Variants in CTNNA2 observed in about 807,000 individuals in gnomAD.
CTNNA2 encodes the protein catenin alpha-2.
CTNNA2 carries 42 observed loss-of-function variants against 101.0 expected under a neutral mutation model. That is an observed-to-expected ratio of 0.42 (90% CI 0.32 to 0.54). CTNNA2 has a LOEUF of 0.54. CTNNA2 is among the 20% of genes least tolerant of loss of function. The pLI, the probability that CTNNA2 is intolerant of heterozygous loss-of-function variation, is 0.14. For synonymous variants in CTNNA2, 450 were observed against 456.4 expected (o/e 0.99, Z 0.18); for missense variants, 871 against 1,223.1 (o/e 0.71, Z 4.29).
intron 7 of CTNNA2, among the ~76,000 whole-genome samples, chr2:79,967,229 C>T (rs891726770): frequency 6.6e-6 from 1 of 151,734 alleles, no homozygotes; most frequent in African/African-American, 2.4e-5. Flanking sequence ...TTTTTTGAAT[C>T]AAGACTGCTT....
intron 9 of CTNNA2, among the ~76,000 whole-genome samples, chr2:80,522,921 C>T (rs932496940): frequency 1.3e-5 from 2 of 152,080 alleles, no homozygotes; most frequent in African/African-American, 4.8e-5. Context: ...TGACACTGAG[C>T]AGGAGAAGAC....
intron 4 of CTNNA2, 116 bp downstream of exon 4, chr2:79,858,295 C>T: frequency 1.5e-6 from 1 of 673,244 alleles, no homozygotes; most frequent in Non-Finnish European, 2.3e-6. Context: ...CAGTTCATTA[C>T]CTACCCATGT....
chr2:79,319,797 T>G (rs1429831100), intron 3 of CTNNA2: 1 of 152,136 alleles, frequency 6.6e-6, no homozygotes, highest in Non-Finnish European at 1.5e-5. Flanking sequence ...AATTGTTCAC[T>G]TTATCTTATG....
At chr2:80,103,472 G>A (rs1700676881) in intron 7 of CTNNA2, among the ~76,000 whole-genome samples, 1 of 152,144 alleles carries the variant, frequency 6.6e-6, no homozygotes, top group Non-Finnish European at 1.5e-5. Flanking sequence ...GCATATTGGA[G>A]GTTAGGGCTT....
chr2:79,305,378 A>ATATG (rs1008064137), intron 2 of CTNNA2, among the ~76,000 whole-genome samples: 1 of 148,244 alleles, frequency 6.7e-6, no homozygotes, highest in African/African-American at 2.5e-5. Flanking sequence ...ATACACATAT[A>ATATG]TATATATATA....
intron 2 of CTNNA2, among the ~76,000 whole-genome samples, chr2:79,701,620 A>G (rs937999845): frequency 3.3e-5 from 5 of 152,224 alleles, no homozygotes; most frequent in African/African-American, 1.2e-4. Context: ...GGCATATTGA[A>G]GGGGCCTCAA....
At chr2:79,763,823 A>G (rs1369195079) in intron 3 of CTNNA2, among the ~76,000 whole-genome samples, 1 of 152,232 alleles carries the variant, frequency 6.6e-6, no homozygotes, top group Non-Finnish European at 1.5e-5. Flanking sequence ...TACAGGAATA[A>G]GAGGACTAGG....
intron 2 of CTNNA2, among the ~76,000 whole-genome samples, chr2:79,224,939 T>C (rs1674389490): frequency 6.6e-6 from 1 of 151,816 alleles, no homozygotes; most frequent in African/African-American, 2.4e-5. Flanking sequence ...ATCCATGTGG[T>C]TGTGTATTTA....
At chr2:79,780,408 C>T (rs1196023473) in intron 3 of CTNNA2, among the ~76,000 whole-genome samples, 1 of 152,180 alleles carries the variant, frequency 6.6e-6, no homozygotes, top group Non-Finnish European at 1.5e-5. Context: ...ATCTGAGGAA[C>T]TTTGGAGACC....
At chr2:80,167,086 T>G (rs1029931224) in intron 7 of CTNNA2, among the ~76,000 whole-genome samples, 3 of 151,988 alleles carry the variant, frequency 2.0e-5, no homozygotes, top group African/African-American at 7.3e-5. Context: ...TTACTGGTAC[T>G]TAGCAGGAGG....
At chr2:80,515,448 C>G (rs1324417797) in intron 9 of CTNNA2, among the ~76,000 whole-genome samples, 2 of 152,188 alleles carry the variant, frequency 1.3e-5, no homozygotes, top group African/African-American at 4.8e-5. Context: ...ATTTCTGACT[C>G]AGAAGCTAAA....
At chr2:80,526,272 T>C (rs1408276711) in intron 9 of CTNNA2, among the ~76,000 whole-genome samples, 2 of 152,156 alleles carry the variant, frequency 1.3e-5, no homozygotes, top group Non-Finnish European at 2.9e-5. Context: ...CGATCTCAGC[T>C]CACTGAAACC....
chr2:79,354,836 A>C (rs527372382), intron 3 of CTNNA2, among the ~76,000 whole-genome samples: 5 of 152,254 alleles, frequency 3.3e-5, no homozygotes, highest in African/African-American at 1.2e-4. Flanking sequence ...GTAGGATTCC[A>C]AGCTTCCTTC....
intron 7 of CTNNA2, among the ~76,000 whole-genome samples, chr2:79,986,544 C>T (rs533867291): frequency 3.0e-4 from 45 of 152,234 alleles, no homozygotes; most frequent in Non-Finnish European, 4.6e-4. Flanking sequence ...GTTCTGCTCT[C>T]GTGTGACCCT....
At chr2:80,589,276 A>G in intron 14 of CTNNA2, 28 bp from the exon 15 acceptor site, 1 of 1,610,652 alleles carries the variant, frequency 6.2e-7, no homozygotes, top group Non-Finnish European at 8.5e-7. Flanking sequence ...TGTCACCGTC[A>G]CTCACGCTTT....
chr2:80,324,706 A>C (rs1559007915), intron 7 of CTNNA2, among the ~76,000 whole-genome samples: 1 of 152,098 alleles, frequency 6.6e-6, no homozygotes. Context: ...GAGACTCCAA[A>C]TCATCTGGAC....
intron 2 of CTNNA2, among the ~76,000 whole-genome samples, chr2:79,660,372 C>T (rs1007011247): frequency 6.7e-6 from 1 of 150,198 alleles, no homozygotes; most frequent in Non-Finnish European, 1.5e-5. Context: ...AATACATACA[C>T]ATATATAGTA....
At chr2:80,544,418 T>G (rs1691858506) in intron 9 of CTNNA2, among the ~76,000 whole-genome samples, 1 of 152,118 alleles carries the variant, frequency 6.6e-6, no homozygotes, top group African/African-American at 2.4e-5. Context: ...ATTCCGCCAT[T>G]GTGTATTGAA....
chr2:80,086,444 C>T (rs539746341), intron 7 of CTNNA2, among the ~76,000 whole-genome samples: 1 of 152,116 alleles, frequency 6.6e-6, no homozygotes, highest in South Asian at 2.1e-4. Flanking sequence ...CATTATAAGA[C>T]CCAATTAATT....
Sources: allele counts gnomAD v4.1 joint callset (sites outside exome capture counted in the v4.1 genomes callset), GRCh38; gene constraint gnomAD v4.1.1; transcripts MANE v1.5; gene names NCBI Gene and HGNC (gene_info 2026-07-23, HGNC 2026-07-21).